Variants in MYO5A observed in about 807,000 individuals in gnomAD.
MYO5A encodes the protein myosin VA.
In MYO5A, 98 loss-of-function variants were observed where a neutral mutation model predicts 249.7. The ratio of observed to expected loss-of-function variants is 0.39; its 90% CI spans 0.33 to 0.46. The LOEUF (loss-of-function observed/expected upper bound fraction) is 0.46. MYO5A is among the 20% of genes least tolerant of loss of function. The pLI, the probability that MYO5A is intolerant of heterozygous loss-of-function variation, is 0.98. For synonymous variants in MYO5A, 778 were observed against 810.6 expected (o/e 0.96, Z 0.68); for missense variants, 1,696 against 2,308.8 (o/e 0.73, Z 5.44).
intron 1 of MYO5A, among the ~76,000 whole-genome samples, chr15:52,500,030 G>A (rs1255761201): frequency 6.6e-6 from 1 of 152,014 alleles, no homozygotes; most frequent in African/African-American, 2.4e-5. Flanking sequence ...TTCAGCGTAG[G>A]TGACAGAGGA....
intron 25 of MYO5A, among the ~76,000 whole-genome samples, chr15:52,356,917 C>G (rs994812684): frequency 2.0e-5 from 3 of 150,092 alleles, no homozygotes; most frequent in Non-Finnish European, 4.4e-5. Context: ...TGAGAAGAAT[C>G]AACTGAACAA....
intron 1 of MYO5A, among the ~76,000 whole-genome samples, chr15:52,520,267 G>A (rs1055277559): frequency 6.6e-6 from 1 of 152,132 alleles, no homozygotes; most frequent in Non-Finnish European, 1.5e-5. Flanking sequence ...CATGAGGTTG[G>A]AGTAGGACTA....
intron 40 of MYO5A, among the ~76,000 whole-genome samples, chr15:52,316,248 A>AG (rs2038009978): frequency 6.6e-6 from 1 of 151,362 alleles, no homozygotes; most frequent in East Asian, 1.9e-4. Flanking sequence ...AAAAAAAAAA[A>AG]AAAAAAAAAA....
intron 17 of MYO5A, 36 bp downstream of exon 17, chr15:52,379,786 T>C (rs774320436): frequency 4.3e-6 from 7 of 1,613,802 alleles, no homozygotes; most frequent in East Asian, 2.2e-5. Context: ...TCTTCTCCCA[T>C]TAGGATCCCT....
intron 1 of MYO5A, among the ~76,000 whole-genome samples, chr15:52,492,737 A>C (rs562689892): frequency 1.3e-5 from 2 of 152,340 alleles, no homozygotes; most frequent in East Asian, 3.9e-4. Flanking sequence ...ATGAATTAAC[A>C]GTATGTCTGG....
At chr15:52,330,687 T>C (rs1409614230) in intron 34 of MYO5A, among the ~76,000 whole-genome samples, 188 bp from the exon 35 acceptor site, 1 of 152,200 alleles carries the variant, frequency 6.6e-6, no homozygotes, top group Non-Finnish European at 1.5e-5. Flanking sequence ...AATTATATGG[T>C]CATCTTACTC....
rs774952961 is a variant in MYO5A, at chr15:52,362,555, G to GA, written c.3309+1998dup. ...GGAGATCTAGTGAAGAAATGAGTGG[G>GA]AAGCAAGTGAGCTCTGATCTCCCTT... is the stretch of plus-strand genomic sequence containing the variant. On this transcript the variant is annotated intron_variant, in intron 24 of 41. Coordinates refer to ENST00000399233, the MANE Select transcript of MYO5A (RefSeq NM_001382347.1). Among the ~76,000 whole-genome samples, 200 of 152,326 alleles carry GA rather than the reference G, an allele frequency of 1.3e-3. 1 individual carries two copies. The highest frequency in any genetic ancestry group is 2.5e-3 in the Non-Finnish European group (171 of 68,030).
intron 1 of MYO5A, among the ~76,000 whole-genome samples, chr15:52,455,885 C>T (rs1054184226): frequency 2.6e-5 from 4 of 151,932 alleles, no homozygotes; most frequent in African/African-American, 9.7e-5. Flanking sequence ...CATTTGAAAG[C>T]CTTTCATCTA....
At chr15:52,461,248 G>A (rs1360791768) in intron 1 of MYO5A, among the ~76,000 whole-genome samples, 14 of 152,016 alleles carry the variant, frequency 9.2e-5, no homozygotes, top group South Asian at 2.1e-4. Context: ...CCACTGTGTC[G>A]GGCCAATAGG....
At chr15:52,457,575 G>A (rs1053185255) in intron 1 of MYO5A, among the ~76,000 whole-genome samples, 7 of 152,090 alleles carry the variant, frequency 4.6e-5, no homozygotes, top group Admixed American at 2.0e-4. Context: ...TCTCACTCCC[G>A]TTAGAATGAC....
At chr15:52,478,856 T>G (rs1042114790) in intron 1 of MYO5A, among the ~76,000 whole-genome samples, 3 of 152,214 alleles carry the variant, frequency 2.0e-5, no homozygotes, top group Non-Finnish European at 4.4e-5. Context: ...ACAACATGGC[T>G]ACAGAATTAC....
chr15:52,526,646 G>A (rs1011488519), intron 1 of MYO5A, among the ~76,000 whole-genome samples: 4 of 152,072 alleles, frequency 2.6e-5, no homozygotes, highest in African/African-American at 7.2e-5. Context: ...GTGAGCTACC[G>A]TGCCCAGCCT....
At chr15:52,317,594 C>A (rs2038086415) in intron 39 of MYO5A, among the ~76,000 whole-genome samples, 1 of 152,204 alleles carries the variant, frequency 6.6e-6, no homozygotes, top group Non-Finnish European at 1.5e-5. Flanking sequence ...AGCTGGGTTG[C>A]TGTTGCAGGG....
chr15:52,528,009 A>G (rs1366875130), intron 1 of MYO5A, among the ~76,000 whole-genome samples: 2 of 152,198 alleles, frequency 1.3e-5, no homozygotes, highest in South Asian at 4.1e-4. Context: ...TATGTCATTC[A>G]GAGATCGCCA....
chr15:52,442,474 G>A (rs559681566), intron 1 of MYO5A, among the ~76,000 whole-genome samples: 2 of 152,308 alleles, frequency 1.3e-5, no homozygotes, highest in South Asian at 2.1e-4. Context: ...TGCTGCCGAG[G>A]AGCTGAATGA....
At chr15:52,516,530 C>T (rs1195838358) in intron 1 of MYO5A, among the ~76,000 whole-genome samples, 1 of 152,224 alleles carries the variant, frequency 6.6e-6, no homozygotes, top group Non-Finnish European at 1.5e-5. Flanking sequence ...ACACAATCAA[C>T]CCTTGCCCAG....
At chr15:52,315,017 T>C (rs181033049) in intron 40 of MYO5A, among the ~76,000 whole-genome samples, 1 of 152,130 alleles carries the variant, frequency 6.6e-6, no homozygotes, top group Admixed American at 6.5e-5. Context: ...AGTGGGCATG[T>C]TGTTATCAGG....
intron 4 of MYO5A, among the ~76,000 whole-genome samples, chr15:52,420,200 G>A (rs1189108798): frequency 1.3e-5 from 2 of 151,998 alleles, no homozygotes; most frequent in Non-Finnish European, 2.9e-5. Context: ...AACTACTTGG[G>A]AGGCTGAGGT....
intron 1 of MYO5A, among the ~76,000 whole-genome samples, chr15:52,438,797 T>C (rs1027873050): frequency 3.3e-5 from 5 of 152,364 alleles, no homozygotes; most frequent in Middle Eastern, 3.4e-3. Context: ...CTCTATTAAA[T>C]CTTGCAACTG....
Sources: allele counts gnomAD v4.1 joint callset (sites outside exome capture counted in the v4.1 genomes callset), GRCh38; gene constraint gnomAD v4.1.1; transcripts MANE v1.5; gene names NCBI Gene and HGNC (gene_info 2026-07-23, HGNC 2026-07-21).